Variants in ANKRD27 observed in about 807,000 individuals in gnomAD.
The protein encoded by ANKRD27 is ankyrin repeat domain 27, also known as ankyrin repeat domain-containing protein 27.
A neutral mutation model predicts 129.7 loss-of-function variants in ANKRD27; 112 were observed. The observed-to-expected ratio is 0.86, with a 90% CI of 0.74 to 1.01. The LOEUF (loss-of-function observed/expected upper bound fraction) is 1.01, where lower values mean the gene tolerates loss of function less well. Among genes scored for constraint, ANKRD27 ranks in the 50% least tolerant of loss-of-function variants. ANKRD27 has a pLI of 0.00. For missense variants in ANKRD27, 1,258 were observed against 1,300.5 expected (o/e 0.97, Z 0.50); for synonymous variants, 516 against 511.2 (o/e 1.01, Z -0.13).
At chr19:32,646,104 G>A (rs1245653892) in intron 4 of ANKRD27, among the ~76,000 whole-genome samples, 1 of 151,866 alleles carries the variant, frequency 6.6e-6, no homozygotes, top group Non-Finnish European at 1.5e-5. Flanking sequence ...GCTAATTTTT[G>A]TATTTTTAGT....
At position 32,626,026 on chromosome 19, in the gene ANKRD27, T is replaced by C. The variant is rs367548918; in HGVS notation, c.1537-60A>G. ...AGCCGGCTCCCTGGGAGGCCCGGCCTCCAGTCTTAGCAGGGGGAGGTCATT... is the reference window on the plus strand; with the variant it reads ...AGCCGGCTCCCTGGGAGGCCCGGCCCCCAGTCTTAGCAGGGGGAGGTCATT... On this transcript the variant is annotated intron_variant, in intron 16 of 28. Coordinates refer to ENST00000306065, the MANE Select transcript of ANKRD27 (RefSeq NM_032139.3). 436 of 1,437,228 alleles carry C rather than the reference T, an allele frequency of 3.0e-4. 3 individuals carry two copies. In the South Asian group the frequency reaches 3.6e-3, roughly 12 times the overall value. 89.0% of individuals were successfully genotyped at this position (1,437,228 alleles called of 1,614,324 possible). A position where few individuals can be genotyped will look rare whatever the true frequency, so the allele number is the denominator to read the frequency against.
intron 26 of ANKRD27, among the ~76,000 whole-genome samples, chr19:32,601,700 G>A (rs1419742705): frequency 2.0e-5 from 3 of 151,950 alleles, no homozygotes; most frequent in Non-Finnish European, 4.4e-5. Context: ...TGGAACATGA[G>A]GCATGAAAGA....
intron 21 of ANKRD27, among the ~76,000 whole-genome samples, chr19:32,616,212 C>G (rs1971916194): frequency 6.6e-6 from 1 of 152,042 alleles, no homozygotes; most frequent in African/African-American, 2.4e-5. Flanking sequence ...TAAACCCATC[C>G]TGGTCCTAGG....
chr19:32,663,848 A>G (rs947360017), intron 1 of ANKRD27, among the ~76,000 whole-genome samples: 1 of 151,832 alleles, frequency 6.6e-6, no homozygotes, highest in South Asian at 2.1e-4. Flanking sequence ...CGAGGTCAGG[A>G]GATCGAGACC....
intron 15 of ANKRD27, 67 bp downstream of exon 15, chr19:32,628,016 G>A: frequency 6.8e-7 from 1 of 1,473,900 alleles, no homozygotes; most frequent in Non-Finnish European, 9.4e-7. Flanking sequence ...AGGCCTCTCT[G>A]CTGGGTCACC....
At chr19:32,644,031 T>C (rs570243817) in intron 5 of ANKRD27, among the ~76,000 whole-genome samples, 10 of 152,166 alleles carry the variant, frequency 6.6e-5, no homozygotes, top group Admixed American at 2.6e-4. Context: ...CATGCCACCA[T>C]GCCTGGCTAA....
intron 1 of ANKRD27, among the ~76,000 whole-genome samples, chr19:32,671,779 T>A (rs1213916843): frequency 6.6e-6 from 1 of 152,238 alleles, no homozygotes; most frequent in Non-Finnish European, 1.5e-5. Flanking sequence ...ACTGGAAAGA[T>A]AAGTGAATCT....
chr19:32,634,424 T>G (rs770295000), intron 12 of ANKRD27, among the ~76,000 whole-genome samples: 2 of 152,210 alleles, frequency 1.3e-5, no homozygotes, highest in Non-Finnish European at 2.9e-5. Flanking sequence ...GGATGATGCA[T>G]ACCTGTCTCA....
At chr19:32,627,414 T>G (rs1327459740) in intron 15 of ANKRD27, among the ~76,000 whole-genome samples, 1 of 128,892 alleles carries the variant, frequency 7.8e-6, no homozygotes, top group Non-Finnish European at 1.7e-5. Flanking sequence ...TTATTTATTT[T>G]TTGAGACAGA....
At chr19:32,673,861 G>A (rs1967920914) in intron 1 of ANKRD27, among the ~76,000 whole-genome samples, 1 of 151,886 alleles carries the variant, frequency 6.6e-6, no homozygotes, top group African/African-American at 2.4e-5. Context: ...AACAGCTACT[G>A]CTCAGCAAAA....
At chr19:32,601,939 A>G in intron 26 of ANKRD27, 76 bp downstream of exon 26, 1 of 903,088 alleles carries the variant, frequency 1.1e-6, no homozygotes. Flanking sequence ...TATACAATTA[A>G]ATGAACACCA....
intron 1 of ANKRD27, among the ~76,000 whole-genome samples, chr19:32,665,707 C>T (rs1000218478): frequency 1.4e-4 from 22 of 151,910 alleles, no homozygotes; most frequent in Non-Finnish European, 2.8e-4. Flanking sequence ...GATCCGCCCG[C>T]CTTGGCCTCA....
At chr19:32,661,220 TACACACACACACAC>T (rs71176143) in intron 1 of ANKRD27, among the ~76,000 whole-genome samples, 2 of 43,522 alleles carry the variant, frequency 4.6e-5, no homozygotes, top group Admixed American at 5.2e-4. Flanking sequence ...AAAAAAATTA[TACACACACACACAC>T]ACACACACAC....
rs751605742 is a variant in ANKRD27, at chr19:32,642,165, G to C, written c.783-20C>G. ...TTAAAGCTGTAAAATAATTTGGAAAGTGACAACTTCAGAGCACAGTAAGAG... is the reference window on the plus strand; with the variant it reads ...TTAAAGCTGTAAAATAATTTGGAAACTGACAACTTCAGAGCACAGTAAGAG... On this transcript the variant is annotated intron_variant, in intron 9 of 28. Transcript: ENST00000306065. 29 of 1,570,788 alleles carry C rather than the reference G, an allele frequency of 1.8e-5. No individual in the cohort carries two copies. Among genetic ancestry groups the C allele is most frequent in the Non-Finnish European group, 2.3e-5 (27 of 1,152,924 alleles).
chr19:32,642,992 A>T, intron 9 of ANKRD27, 131 bp downstream of exon 9: 1 of 866,304 alleles, frequency 1.2e-6, no homozygotes, highest in Non-Finnish European at 1.8e-6. Flanking sequence ...GGTTGCAAGT[A>T]ACTGCGCTGC....
At chr19:32,657,527 C>T (rs1361765097) in intron 2 of ANKRD27, among the ~76,000 whole-genome samples, 2 of 149,074 alleles carry the variant, frequency 1.3e-5, no homozygotes, top group Non-Finnish European at 3.0e-5. Flanking sequence ...CTCAGGAGGC[C>T]GAGGCAAATC....
Position 32,639,425 on chromosome 19 carries a change from T to A in ANKRD27, c.1047A>T (p.Gly349=). 2 of 1,614,200 alleles carry A rather than the reference T, an allele frequency of 1.2e-6. No homozygotes were observed. The highest frequency in any genetic ancestry group is 1.7e-6 in the Non-Finnish European group (2 of 1,180,042). Residue 349 remains glycine (G), a synonymous_variant, in exon 12 of 29, where the codon GGA becomes GGT. Coordinates refer to ENST00000306065, the MANE Select transcript of ANKRD27 (RefSeq NM_032139.3). ...CAGCTTCGAATGAGGTCAGGCAGTA[T>A]CCCAGTTCATCCTTTGCCAAGCTGC... ...RFSSLAKDEL[G]YCLTSFEAAI...
intron 2 of ANKRD27, 112 bp from the exon 3 acceptor site, chr19:32,649,904 G>A (rs933375156): frequency 4.0e-6 from 3 of 746,548 alleles, no homozygotes; most frequent in African/African-American, 1.7e-5. Flanking sequence ...CCTGCTGGCA[G>A]AGAGAACGCC....
intron 22 of ANKRD27, among the ~76,000 whole-genome samples, chr19:32,614,882 C>A (rs1179873826): frequency 6.6e-6 from 1 of 152,086 alleles, no homozygotes; most frequent in East Asian, 1.9e-4. Flanking sequence ...ATGTTGATAT[C>A]CTGGCTGTGA....
Sources: gnomAD v4.1 joint callset for allele counts (sites outside exome capture counted in the v4.1 genomes callset) on GRCh38, gnomAD v4.1.1 for gene constraint, MANE v1.5 for transcripts, NCBI Gene and HGNC (gene_info 2026-07-23, HGNC 2026-07-21) for gene names.